Variants in PCSK5 observed in about 807,000 individuals in gnomAD.
PCSK5 encodes prohormone convertase 5.
In PCSK5, 129 loss-of-function variants were observed where a neutral mutation model predicts 233.2. The ratio of observed to expected loss-of-function variants is 0.55; its 90% CI spans 0.48 to 0.64. The LOEUF is 0.64. PCSK5 is among the 30% of genes least tolerant of loss of function. The pLI, the probability that PCSK5 is intolerant of heterozygous loss-of-function variation, is 0.00. For synonymous variants in PCSK5, 825 were observed against 879.2 expected (o/e 0.94, Z 1.09); for missense variants, 2,076 against 2,430.1 (o/e 0.85, Z 3.06).
At chr9:76,118,329 T>C (rs1229941040) in intron 9 of PCSK5, among the ~76,000 whole-genome samples, 1 of 149,650 alleles carries the variant, frequency 6.7e-6, no homozygotes, top group African/African-American at 2.6e-5. Context: ...AAAAATAATT[T>C]TAAAGTGACT....
At chr9:76,096,170 A>G (rs1831498976) in intron 8 of PCSK5, 68 bp downstream of exon 8, 2 of 903,478 alleles carry the variant, frequency 2.2e-6, no homozygotes, top group Non-Finnish European at 3.5e-6. Context: ...CAAAGGGAGA[A>G]CCATAAACAT....
intron 7 of PCSK5, among the ~76,000 whole-genome samples, chr9:76,087,976 A>G (rs1422889480): frequency 6.6e-6 from 1 of 152,232 alleles, no homozygotes; most frequent in Non-Finnish European, 1.5e-5. Context: ...GAAGTAGAAA[A>G]TAACTGCATT....
At chr9:76,320,962 GCAC>G (rs1829183306) in intron 30 of PCSK5, among the ~76,000 whole-genome samples, 1 of 151,806 alleles carries the variant, frequency 6.6e-6, no homozygotes, top group Non-Finnish European at 1.5e-5. Flanking sequence ...CTATAGGCGT[GCAC>G]CACCACACCC....
intron 20 of PCSK5, among the ~76,000 whole-genome samples, chr9:76,208,435 G>A (rs1430848088): frequency 6.6e-6 from 1 of 152,182 alleles, no homozygotes; most frequent in African/African-American, 2.4e-5. Flanking sequence ...TGAAAGCTCT[G>A]TCCTCCTCAT....
intron 9 of PCSK5, among the ~76,000 whole-genome samples, chr9:76,107,743 G>A (rs1036640834): frequency 2.6e-5 from 4 of 152,134 alleles, no homozygotes; most frequent in South Asian, 2.1e-4. Context: ...CCGATTCCAC[G>A]ACAATAGCAC....
intron 5 of PCSK5, among the ~76,000 whole-genome samples, chr9:76,037,997 C>T (rs143550459): frequency 6.6e-6 from 1 of 152,130 alleles, no homozygotes; most frequent in African/African-American, 2.4e-5. Context: ...ATGTAATTTG[C>T]GTATGCTAGT....
At chr9:76,111,668 G>GATGTTTAA (rs1832222216) in intron 9 of PCSK5, among the ~76,000 whole-genome samples, 2 of 152,036 alleles carry the variant, frequency 1.3e-5, no homozygotes, top group Non-Finnish European at 1.5e-5. Context: ...TCATTTGGGC[G>GATGTTTAA]ATTGCTGCTT....
At position 76,071,857 on chromosome 9, in the gene PCSK5, G is replaced by A; in HGVS notation, c.853G>A (p.Ala285Thr). ...DDDGKTVDGP[A>T]PLTRQAFENG... ...TGATGGCAAGACTGTGGACGGACCA[G>A]CCCCCCTCACCCGGCAAGCCTTTGA... is the stretch of plus-strand genomic sequence containing the variant. The change falls in exon 7 of 38, where the codon GCC (alanine) becomes ACC (threonine). Residue 285 changes from alanine (A) to threonine (T), a missense_variant. Physicochemically the swap from Ala to Thr is moderately conservative, Grantham distance 58. Transcript: ENST00000674117. 1 of 1,614,180 alleles carries A rather than the reference G, an allele frequency of 6.2e-7. No homozygotes were observed. The highest frequency in any genetic ancestry group is 8.5e-7 in the Non-Finnish European group (1 of 1,180,036).
intron 2 of PCSK5, among the ~76,000 whole-genome samples, chr9:75,952,881 G>A (rs1033744246): frequency 7.9e-5 from 12 of 152,122 alleles, no homozygotes; most frequent in Admixed American, 5.2e-4. Context: ...GAACAGTGGG[G>A]ATTTGCACTA....
At chr9:76,199,210 T>G (rs1339643417) in intron 20 of PCSK5, among the ~76,000 whole-genome samples, 8 of 152,194 alleles carry the variant, frequency 5.3e-5, no homozygotes, top group African/African-American at 1.4e-4. Context: ...ACCACCCACC[T>G]AAGCTGTATG....
chr9:75,905,903 A>G (rs1176678293), intron 1 of PCSK5, among the ~76,000 whole-genome samples: 1 of 152,178 alleles, frequency 6.6e-6, no homozygotes, highest in Non-Finnish European at 1.5e-5. Flanking sequence ...CCTGGTGCCG[A>G]AAAGGTTGGG....
intron 34 of PCSK5, among the ~76,000 whole-genome samples, chr9:76,337,259 G>C (rs1829702996): frequency 6.6e-6 from 1 of 151,040 alleles, no homozygotes; most frequent in Non-Finnish European, 1.5e-5. Flanking sequence ...ACTCTCCTGG[G>C]TTCAAACAAT....
chr9:76,266,797 G>T (rs1827346604), intron 24 of PCSK5, among the ~76,000 whole-genome samples: 1 of 152,156 alleles, frequency 6.6e-6, no homozygotes, highest in Non-Finnish European at 1.5e-5. Context: ...TTCTCTGGAA[G>T]CAAAGGAAAC....
intron 35 of PCSK5, 84 bp downstream of exon 35, chr9:76,338,531 C>G: frequency 1.0e-6 from 1 of 956,454 alleles, no homozygotes; most frequent in Non-Finnish European, 1.6e-6. Flanking sequence ...TCTCTTCTCA[C>G]CACCTGGGAG....
chr9:76,041,431 A>C (rs1013451862), intron 5 of PCSK5, among the ~76,000 whole-genome samples: 9 of 152,222 alleles, frequency 5.9e-5, no homozygotes, highest in Non-Finnish European at 1.3e-4. Flanking sequence ...CCTCTTGTTA[A>C]GCCAGACATT....
chr9:76,191,924 C>CAAAT (rs1587739693), intron 20 of PCSK5, among the ~76,000 whole-genome samples: 2 of 141,070 alleles, frequency 1.4e-5, no homozygotes, highest in African/African-American at 5.6e-5. Context: ...ACTAAAAATA[C>CAAAT]AAATATTGGC....
At position 76,236,134 on chromosome 9, in the gene PCSK5, C is replaced by T. The variant is rs149649637; in HGVS notation, c.2866+2538C>T. On this transcript the variant is annotated intron_variant, in intron 22 of 37. Transcript: ENST00000674117. Reference sequence around the variant, plus strand: ...TTATTCACTACCAAACTACCCAAAGCTAAATTCCATCAATCACACAACAGC... The same window carrying T: ...TTATTCACTACCAAACTACCCAAAGTTAAATTCCATCAATCACACAACAGC... Among the ~76,000 whole-genome samples, 403 of 152,336 alleles carry T rather than the reference C, an allele frequency of 2.6e-3. 2 individuals carry two copies. Among genetic ancestry groups the T allele is most frequent in the African/African-American group, 9.3e-3 (388 of 41,576 alleles).
chr9:76,035,451 C>G (rs1301068255), intron 5 of PCSK5, among the ~76,000 whole-genome samples: 1 of 152,004 alleles, frequency 6.6e-6, no homozygotes, highest in Non-Finnish European at 1.5e-5. Flanking sequence ...TTTTTCTCTG[C>G]CAATTTTAGT....
intron 24 of PCSK5, among the ~76,000 whole-genome samples, chr9:76,272,134 G>C (rs1827533160): frequency 6.6e-6 from 1 of 152,144 alleles, no homozygotes; most frequent in Admixed American, 6.5e-5. Flanking sequence ...TGTGTACGTA[G>C]AGTACACATT....
Sources: allele counts gnomAD v4.1 joint callset (sites outside exome capture counted in the v4.1 genomes callset), GRCh38; gene constraint gnomAD v4.1.1; transcripts MANE v1.5; gene names NCBI Gene and HGNC (gene_info 2026-07-23, HGNC 2026-07-21).